RBM44: variants seen among roughly 807,000 people sequenced by gnomAD.
The protein encoded by RBM44 is RNA binding motif protein 44, also known as RNA-binding protein 44.
Under a neutral mutation model 105.1 loss-of-function variants are expected in RBM44, and 66 were observed. The ratio of observed to expected loss-of-function variants is 0.63; its 90% confidence interval spans 0.52 to 0.77. RBM44 has a LOEUF of 0.77. RBM44 is among the 30% of genes least tolerant of loss of function. RBM44 has a pLI of 0.00. For synonymous variants in RBM44, 365 were observed against 417.6 expected (o/e 0.87, Z 1.54); for missense variants, 1,122 against 1,207.8 (o/e 0.93, Z 1.05).
chr2:237,798,900 C>G lies in RBM44; in HGVS notation c.-19+39C>G, dbSNP rs922125833. On this transcript the variant is annotated intron_variant, in intron 1 of 15. Coordinates refer to ENST00000316997, the MANE Select transcript of RBM44 (RefSeq NM_001080504.3). This position sits in a 1 kb window ranked among gnomAD's most constrained non-coding sequence, Gnocchi z 4.3. ...AGACGCGGGGCGGCAGGTCGGGCGG[C>G]GAAGCCGGCGAGGGCGAGGCCATGG... 5.2e-5 allele frequency: 8 copies of G among 152,856 alleles called. No individual in the cohort carries two copies. The highest frequency in any genetic ancestry group is 8.7e-5 in the Non-Finnish European group (6 of 68,760). The allele number at this position is 152,856 out of a possible 1,614,324, so 9.5% of individuals were successfully genotyped here. A position where few individuals can be genotyped will look rare whatever the true frequency, so the allele number is the denominator to read the frequency against.
At chr2:237,799,461 T>G (rs1317874491) in intron 1 of RBM44, 1 of 152,264 alleles carries the variant, frequency 6.6e-6, no homozygotes, top group Admixed American at 6.5e-5. Flanking sequence ...AGGGCCTGAC[T>G]TTTTGCATTT....
In RBM44 at chr2:237,811,588, A is replaced by G. The variant is rs181714476; in HGVS notation, c.-18-2004A>G. Among the ~76,000 whole-genome samples, 858 of 151,622 alleles carry G rather than the reference A, an allele frequency of 5.7e-3. 3 individuals are homozygous for G. Among genetic ancestry groups the G allele is most frequent in the Non-Finnish European group, 7.6e-3 (517 of 67,928 alleles). ...CCCAGCTACCATTTCTCTTTGCTCC[A>G]TGGTTTGATAGGAATTGATATAAGA... On this transcript the variant is annotated intron_variant, in intron 1 of 15. Transcript: ENST00000316997.
intron 10 of RBM44, among the ~76,000 whole-genome samples, chr2:237,825,805 C>T (rs751858463): frequency 5.3e-5 from 8 of 152,098 alleles, no homozygotes; most frequent in Non-Finnish European, 7.4e-5. Context: ...TACTGTAGCT[C>T]ATTATTCCCT....
Position 237,817,454 on chromosome 2 carries a change from G to T in RBM44, c.535G>T (p.Asp179Tyr), listed in dbSNP as rs2061731921. 2 of 1,600,026 alleles carry T rather than the reference G, an allele frequency of 1.2e-6. No homozygotes were observed. The highest frequency in any genetic ancestry group is 1.3e-5 in the African/African-American group (1 of 74,690). ...RESAEDTQKH[D>Y]TDEDSQQEYH... is the part of the protein sequence containing the mutation. Reference sequence around the variant, plus strand: ...AAGTGCTGAAGATACACAAAAGCATGATACAGATGAAGACTCACAGCAGGA... The same window carrying T: ...AAGTGCTGAAGATACACAAAAGCATTATACAGATGAAGACTCACAGCAGGA... Residue 179 changes from aspartate to tyrosine, a missense_variant, in exon 3 of 16, where the codon GAT (aspartate) becomes TAT (tyrosine). By Grantham distance (160) the Asp-to-Tyr change is radical. This residue lies in a region of RBM44 where 918 missense variants were observed against 955.3 expected (regional missense o/e 0.96). Transcript: ENST00000316997.
At chr2:237,832,685 A>G (rs1172667784) in intron 13 of RBM44, among the ~76,000 whole-genome samples, 1 of 152,142 alleles carries the variant, frequency 6.6e-6, no homozygotes, top group East Asian at 1.9e-4. Context: ...CTTTCTGGCA[A>G]TTTCTTGTTC....
chr2:237,837,585 T>C (rs1183478893), intron 15 of RBM44, among the ~76,000 whole-genome samples: 1 of 152,268 alleles, frequency 6.6e-6, no homozygotes, highest in Non-Finnish European at 1.5e-5. Flanking sequence ...AGCCTGAAGA[T>C]GTGACTGAAT....
intron 10 of RBM44, among the ~76,000 whole-genome samples, chr2:237,825,619 C>T (rs998010823): frequency 6.6e-6 from 1 of 152,212 alleles, no homozygotes; most frequent in Non-Finnish European, 1.5e-5. Context: ...TTCCCATCCT[C>T]TCATTAGCTC....
At chr2:237,839,737 G>A (rs749831527) in intron 15 of RBM44, among the ~76,000 whole-genome samples, 2 of 152,170 alleles carry the variant, frequency 1.3e-5, no homozygotes, top group Non-Finnish European at 2.9e-5. Flanking sequence ...ATTTAGCACT[G>A]ATTTGGATAT....
chr2:237,821,508 T>A lies in RBM44; in HGVS notation c.2120+140T>A, dbSNP rs928709101. ...AAGTGTTTATCTTTTTTCTTGACAT[T>A]TAATATTGTACAAATGTATGGGGTA... On this transcript the variant is annotated intron_variant, in intron 7 of 15. Coordinates refer to ENST00000316997, the MANE Select transcript of RBM44 (RefSeq NM_001080504.3). 17 of 780,528 alleles carry A rather than the reference T, an allele frequency of 2.2e-5. No individual in the cohort carries two copies. In the African/African-American group the frequency reaches 2.6e-4, roughly 12 times the overall value. 48.4% of individuals were successfully genotyped at this position (780,528 alleles called of 1,614,324 possible).
rs761108347 is a variant in RBM44, at chr2:237,817,919, CAAAT to C, written c.1005_1008del (p.Ile335MetfsTer32). On this transcript the variant is annotated frameshift_variant, in exon 3 of 16. Coordinates refer to ENST00000316997, the MANE Select transcript of RBM44 (RefSeq NM_001080504.3). LOFTEE classifies it high-confidence loss of function. Reference sequence around the variant, plus strand: ...AATTTATACTGAAAACATGAAATCTCAAATAAATGAAGGTAAAGATTTTTGTGGA... The same window carrying C: ...AATTTATACTGAAAACATGAAATCTCAAATGAAGGTAAAGATTTTTGTGGA... 1.3e-6 allele frequency: 2 copies of C among 1,597,934 alleles called. No individual in the cohort carries two copies. The highest frequency in any genetic ancestry group is 1.8e-5 in the Admixed American group (1 of 55,402).
rs572691612 is a variant in RBM44, at chr2:237,817,761, A to G, written c.842A>G (p.Tyr281Cys). The change falls in exon 3 of 16, where the codon TAT (tyrosine) becomes TGT (cysteine). Residue 281 changes from tyrosine (Y) to cysteine (C), a missense_variant. Around this residue, in one of 3 missense-constraint regions of RBM44, gnomAD observed 918 missense variants for 955.3 expected, o/e 0.96. Transcript: ENST00000316997. ...REYHDLKHEK[Y>C]KEQETNSMYH... ...TATCATGACCTAAAGCATGAAAAGTATAAGGAACAAGAGACTAATTCAATG... is the reference window on the plus strand; with the variant it reads ...TATCATGACCTAAAGCATGAAAAGTGTAAGGAACAAGAGACTAATTCAATG... 7.4e-6 allele frequency: 12 copies of G among 1,611,948 alleles called. No homozygotes were observed. The highest frequency in any genetic ancestry group is 1.3e-5 in the African/African-American group (1 of 74,894).
At chr2:237,838,585 G>T (rs971641910) in intron 15 of RBM44, among the ~76,000 whole-genome samples, 1 of 152,158 alleles carries the variant, frequency 6.6e-6, no homozygotes, top group African/African-American at 2.4e-5. Context: ...AGGGGATTAA[G>T]TATTCTTACT....
Position 237,824,334 on chromosome 2 carries a change from TAA to T in RBM44, c.2366_2367del (p.Lys789ArgfsTer7). ...AGACAAGCGAAGACTGGTCTGATGC[TAA>T]AGAGAGCCTGACAGGAGTTGACGTC... The part of the protein sequence containing the change: ...QETSEDWSDA[K>X]ESLTGVDVSG... On this transcript the variant is annotated frameshift_variant, in exon 10 of 16. Coordinates refer to ENST00000316997, the MANE Select transcript of RBM44 (RefSeq NM_001080504.3). LOFTEE classifies it high-confidence loss of function. 6.2e-7 allele frequency: 1 copy of T among 1,613,100 alleles called. No homozygotes were observed. The highest frequency in any genetic ancestry group is 8.5e-7 in the Non-Finnish European group (1 of 1,179,352).
Position 237,818,381 on chromosome 2 carries a change from C to T in RBM44, c.1462C>T (p.Pro488Ser), listed in dbSNP as rs1217199583. 1 of 1,612,976 alleles carries T rather than the reference C, an allele frequency of 6.2e-7. No individual in the cohort carries two copies. Among genetic ancestry groups the T allele is most frequent in the East Asian group, 2.2e-5 (1 of 44,854 alleles). Residue 488 changes from proline (P) to serine (S), a missense_variant, in exon 3 of 16, where the codon CCT becomes TCT. Physicochemically the swap from Pro to Ser is moderately conservative, Grantham distance 74. Coordinates refer to ENST00000316997, the MANE Select transcript of RBM44 (RefSeq NM_001080504.3). The surrounding 1 kb of genome is among the most constrained non-coding windows in gnomAD (Gnocchi z 4.6). ...AACCAGCAGGGCAACAAGTGCAAGA[C>T]CTTCTGTAGTATCTACATCAAGCAA... Reference protein sequence around the residue: ...FTTSRATSARPSVVSTSSNTE... With the variant: ...FTTSRATSARSSVVSTSSNTE...
At chr2:237,836,970 T>A (rs1037297778) in intron 15 of RBM44, among the ~76,000 whole-genome samples, 1 of 151,954 alleles carries the variant, frequency 6.6e-6, no homozygotes, top group African/African-American at 2.4e-5. Context: ...CAAGCAGTCC[T>A]CCTGACTCAG....
intron 1 of RBM44, among the ~76,000 whole-genome samples, chr2:237,801,843 A>G (rs2061549376): frequency 6.6e-6 from 1 of 152,102 alleles, no homozygotes; most frequent in African/African-American, 2.4e-5. Flanking sequence ...GTGCTATACA[A>G]TTATTGTCTA....
intron 12 of RBM44, 78 bp from the exon 13 acceptor site, chr2:237,829,139 C>T: frequency 9.7e-7 from 1 of 1,028,868 alleles, no homozygotes; most frequent in Non-Finnish European, 1.4e-6. Context: ...AACGTATTTG[C>T]ATCAGTAGTT....
chr2:237,807,704 A>G (rs1163013139), intron 1 of RBM44, among the ~76,000 whole-genome samples: 1 of 152,236 alleles, frequency 6.6e-6, no homozygotes, highest in Non-Finnish European at 1.5e-5. Flanking sequence ...CCCAAGGAAT[A>G]GATTATTTGG....
At chr2:237,804,486 G>C (rs867090761) in intron 1 of RBM44, among the ~76,000 whole-genome samples, 6 of 152,200 alleles carry the variant, frequency 3.9e-5, no homozygotes, top group Non-Finnish European at 8.8e-5. Flanking sequence ...ATTCTGGCTG[G>C]TGTGAGATGG....
Sources: gnomAD v4.1 joint callset for allele counts (sites outside exome capture counted in the v4.1 genomes callset) on GRCh38, gnomAD v4.1.1 for gene constraint, gnomAD v4.1.1 regional missense constraint, Gnocchi (gnomAD v3.1) non-coding constraint, MANE v1.5 for transcripts, NCBI Gene and HGNC (gene_info 2026-07-23, HGNC 2026-07-21) for gene names.